ZC3H13: variants seen among roughly 807,000 people sequenced by gnomAD.
ZC3H13 encodes the protein zinc finger CCCH-type containing 13.
Under a neutral mutation model 204.1 loss-of-function variants are expected in ZC3H13, and 64 were observed. The ratio of observed to expected loss-of-function variants is 0.31; its 90% CI spans 0.26 to 0.39. ZC3H13 has a LOEUF of 0.39. Among genes scored for constraint, ZC3H13 ranks in the 10% least tolerant of loss-of-function variants. ZC3H13 has a pLI of 1.00. For missense variants in ZC3H13, 1,833 were observed against 2,082.7 expected (o/e 0.88, Z 2.33); for synonymous variants, 667 against 693.7 (o/e 0.96, Z 0.60).
Position 45,988,784 on chromosome 13 carries a change from C to G in ZC3H13, c.1255+3G>C. ...ATTAAAAAAATCAAAGTACAGTACACACCTTCCCTCCTTTCATGGCGTCGA... is the reference window on the plus strand; with the variant it reads ...ATTAAAAAAATCAAAGTACAGTACAGACCTTCCCTCCTTTCATGGCGTCGA... On this transcript the variant is annotated splice_donor_region_variant and intron_variant, in intron 9 of 18. Transcript: ENST00000679008. The G allele has an allele frequency of 1.2e-6, 2 of 1,610,374 alleles. No homozygotes were observed. Among genetic ancestry groups the G allele is most frequent in the Non-Finnish European group, 1.7e-6 (2 of 1,177,310 alleles).
At position 45,979,881 on chromosome 13, in the gene ZC3H13, T is replaced by C; in HGVS notation, c.1844A>G (p.Asp615Gly). 1.2e-6 allele frequency: 2 copies of C among 1,610,050 alleles called. No individual in the cohort carries two copies. Among genetic ancestry groups the C allele is most frequent in the Non-Finnish European group, 1.7e-6 (2 of 1,178,054 alleles). The change falls in exon 11 of 19, where the codon GAT becomes GGT. Residue 615 changes from aspartate (D) to glycine (G), a missense_variant. Asp to Gly is a moderately conservative substitution (Grantham distance 94). Around this residue, in one of 5 missense-constraint regions of ZC3H13, gnomAD observed 1,574 missense variants for 1,757.2 expected, o/e 0.90. Transcript: ENST00000679008. ...CTCAAAGGAAGAATCCCTTGCTTGATCTCTGTTGTCTCTTTCAGGATATCT... is the reference window on the plus strand; with the variant it reads ...CTCAAAGGAAGAATCCCTTGCTTGACCTCTGTTGTCTCTTTCAGGATATCT... ...RDRYPERDNRDQARDSSFERR... is the reference protein window; with the variant it reads ...RDRYPERDNRGQARDSSFERR...
intron 10 of ZC3H13, 113 bp from the exon 11 acceptor site, chr13:45,980,117 A>T: frequency 1.0e-6 from 1 of 959,764 alleles, no homozygotes; most frequent in Non-Finnish European, 1.4e-6. Context: ...AATATTCCAA[A>T]GTGTGGTAAT....
intron 10 of ZC3H13, among the ~76,000 whole-genome samples, chr13:45,983,683 T>C (rs564071952): frequency 1.3e-5 from 2 of 151,660 alleles, no homozygotes; most frequent in East Asian, 3.9e-4. Flanking sequence ...CGCCTCGGCC[T>C]CCCAAAGTGC....
At chr13:45,958,375 C>T (rs552899100) in intron 18 of ZC3H13, among the ~76,000 whole-genome samples, 49 of 152,292 alleles carry the variant, frequency 3.2e-4, no homozygotes, top group African/African-American at 7.9e-4. Context: ...CAAAGAATCA[C>T]ACCAACTCTC....
rs1566183763 is a variant in ZC3H13, at chr13:45,975,728, TTTC to T, written c.2020_2022del (p.Glu674del). 6.2e-7 allele frequency: 1 copy of T among 1,613,956 alleles called. No individual in the cohort carries two copies. ...CGTTCCCGATCTCTCTCTCTAGCCC[TTTC>T]ATCTCTCCTATCATCCACTCTGTCT... On this transcript the variant is annotated inframe_deletion, in exon 12 of 19. Transcript: ENST00000679008.
intron 4 of ZC3H13, among the ~76,000 whole-genome samples, chr13:46,024,959 A>G (rs1470188830): frequency 2.0e-5 from 3 of 152,184 alleles, no homozygotes; most frequent in African/African-American, 7.2e-5. Context: ...ACAGTTTCTG[A>G]GCTTCCTATA....
intron 11 of ZC3H13, 53 bp downstream of exon 11, chr13:45,979,760 C>T: frequency 6.7e-7 from 1 of 1,485,966 alleles, no homozygotes; most frequent in Middle Eastern, 1.8e-4. Flanking sequence ...TTTGAAAAAA[C>T]AATTCGCCCA....
intron 10 of ZC3H13, 83 bp downstream of exon 10, chr13:45,985,214 G>A: frequency 3.8e-6 from 5 of 1,309,030 alleles, no homozygotes; most frequent in Non-Finnish European, 4.1e-6. Context: ...GATAACAAAT[G>A]TAAGAAACAA....
At chr13:45,971,684 C>T (rs745934488) in intron 12 of ZC3H13, among the ~76,000 whole-genome samples, 3 of 152,082 alleles carry the variant, frequency 2.0e-5, no homozygotes, top group East Asian at 1.9e-4. Context: ...AACTAAAAAG[C>T]TTCTGCACAG....
At position 45,969,254 on chromosome 13, in the gene ZC3H13, A is replaced by T; in HGVS notation, c.3290T>A (p.Leu1097Gln). 1.2e-6 allele frequency: 2 copies of T among 1,614,096 alleles called. No individual in the cohort carries two copies. Among genetic ancestry groups the T allele is most frequent in the Non-Finnish European group, 1.7e-6 (2 of 1,180,022 alleles). ...CGGTGGAGGAGGAAGAAGAGAAGATAGAGGAGAAGGGGTACTACCAGGAGT... is the reference window on the plus strand; with the variant it reads ...CGGTGGAGGAGGAAGAAGAGAAGATTGAGGAGAAGGGGTACTACCAGGAGT... ...ATTPGSTPSP[L>Q]SSLLPPPPPV... Residue 1097 changes from leucine (L) to glutamine (Q), a missense_variant, in exon 14 of 19, where the codon CTA becomes CAA. Leu to Gln is a moderately radical substitution (Grantham distance 113). Around this residue, in one of 5 missense-constraint regions of ZC3H13, gnomAD observed 1,574 missense variants for 1,757.2 expected, o/e 0.90. Transcript: ENST00000679008.
Position 46,029,729 on chromosome 13 carries a change from A to T in ZC3H13, c.340-9172T>A, listed in dbSNP as rs189940211. ...AGGCGTGAGCCACCGCGCCCGGCCG[A>T]GATGGACTACTTCTTAACTCATTCT... is the stretch of plus-strand genomic sequence containing the variant. On this transcript the variant is annotated intron_variant, in intron 4 of 18. Coordinates refer to ENST00000679008, the MANE Select transcript of ZC3H13 (RefSeq NM_001330564.2). Among the ~76,000 whole-genome samples, 1,123 of 152,214 alleles carry T rather than the reference A, an allele frequency of 7.4e-3. 7 individuals are homozygous for T. Among genetic ancestry groups the T allele is most frequent in the Non-Finnish European group, 0.011 (782 of 68,004 alleles).
intron 12 of ZC3H13, 134 bp from the exon 13 acceptor site, chr13:45,970,599 T>C (rs1952505586): frequency 7.8e-6 from 5 of 640,390 alleles, no homozygotes; most frequent in South Asian, 4.5e-5. Flanking sequence ...GAGTGTATCA[T>C]ACAAAGGATA....
intron 12 of ZC3H13, among the ~76,000 whole-genome samples, chr13:45,974,171 T>C (rs1952821157): frequency 6.6e-6 from 1 of 152,202 alleles, no homozygotes; most frequent in Admixed American, 6.5e-5. Flanking sequence ...AGTAGTTAAC[T>C]CTAGTAAGTT....
chr13:46,045,473 T>A lies in ZC3H13; in HGVS notation c.35A>T (p.Asn12Ile). Residue 12 changes from asparagine (N) to isoleucine (I), a missense_variant, in exon 2 of 19, where the codon AAT (asparagine) becomes ATT (isoleucine). Asn to Ile is a moderately radical substitution (Grantham distance 149). Transcript: ENST00000679008. ...TGTGCTATCAGATATAGTCTTGGTA[T>A]TTTCCACTGTGACCTTCCTTCTAAT... Reference protein sequence around the residue: ...SKIRRKVTVENTKTISDSTSR... With the variant: ...SKIRRKVTVEITKTISDSTSR... 1 of 1,614,102 alleles carries A rather than the reference T, an allele frequency of 6.2e-7. No individual in the cohort carries two copies. The highest frequency in any genetic ancestry group is 8.5e-7 in the Non-Finnish European group (1 of 1,179,986).
At chr13:45,974,291 C>G (rs1952832563) in intron 12 of ZC3H13, among the ~76,000 whole-genome samples, 1 of 152,062 alleles carries the variant, frequency 6.6e-6, no homozygotes, top group Non-Finnish European at 1.5e-5. Context: ...AATGAGAGCC[C>G]CAACTCAGAG....
chr13:46,042,167 A>T lies in ZC3H13; in HGVS notation c.336T>A (p.Val112=). ...KRNTEESSSP[V]RKESSRGRHR... Reference sequence around the variant, plus strand: ...GTTTTGGGAAATTCAATCCTACCCTAACAGGTGAGGATGACTCCTCTGTAT... The same window carrying T: ...GTTTTGGGAAATTCAATCCTACCCTTACAGGTGAGGATGACTCCTCTGTAT... Residue 112 remains valine, a synonymous_variant, in exon 4 of 19, where the codon GTT becomes GTA. Coordinates refer to ENST00000679008, the MANE Select transcript of ZC3H13 (RefSeq NM_001330564.2). The T allele has an allele frequency of 6.2e-7, 1 of 1,610,358 alleles. No individual in the cohort carries two copies. The highest frequency in any genetic ancestry group is 8.5e-7 in the Non-Finnish European group (1 of 1,176,882).
chr13:46,006,879 C>T (rs561749921), intron 7 of ZC3H13, among the ~76,000 whole-genome samples: 9 of 151,338 alleles, frequency 5.9e-5, no homozygotes, highest in South Asian at 2.1e-4. Flanking sequence ...TAAAATATGA[C>T]GACTAAATCT....
intron 10 of ZC3H13, 118 bp downstream of exon 10, chr13:45,985,179 T>C: frequency 9.1e-7 from 1 of 1,093,284 alleles, no homozygotes; most frequent in Non-Finnish European, 1.3e-6. Context: ...CAAGTTCAAT[T>C]AATTAAAAAT....
At chr13:46,033,039 T>C (rs1049818729) in intron 4 of ZC3H13, among the ~76,000 whole-genome samples, 5 of 152,040 alleles carry the variant, frequency 3.3e-5, no homozygotes, top group Non-Finnish European at 2.9e-5. Flanking sequence ...AACTAATAAA[T>C]GTGGTTACCT....
Sources: gnomAD v4.1 joint callset for allele counts (sites outside exome capture counted in the v4.1 genomes callset) on GRCh38, gnomAD v4.1.1 for gene constraint, gnomAD v4.1.1 regional missense constraint, MANE v1.5 for transcripts, NCBI Gene and HGNC (gene_info 2026-07-23, HGNC 2026-07-21) for gene names.